Variants in AGBL5 observed in about 807,000 individuals in gnomAD.
AGBL5 encodes the protein AGBL carboxypeptidase 5, also known as cytosolic carboxypeptidase-like protein 5.
AGBL5 carries 51 observed loss-of-function variants against 88.0 expected under a neutral mutation model. The observed-to-expected ratio is 0.58, with a 90% confidence interval of 0.46 to 0.73. The LOEUF is 0.73. Ranked by LOEUF, AGBL5 falls within the 30% of genes least tolerant of loss-of-function variation. AGBL5 has a pLI of 0.00. For missense variants in AGBL5, 1,031 were observed against 1,162.2 expected (o/e 0.89, Z 1.64); for synonymous variants, 446 against 438.8 (o/e 1.02, Z -0.21).
chr2:27,068,620 T>C lies in AGBL5; in HGVS notation c.2243-12T>C. ...GTGACCCCTACCCTGATCAGTTTCC[T>C]CTGTTCCCTAGGGAGCAGTTGCTCA... On this transcript the variant is annotated splice_polypyrimidine_tract_variant and intron_variant, in intron 12 of 14. Transcript: ENST00000360131. The C allele has an allele frequency of 6.2e-7, 1 of 1,613,356 alleles. No homozygotes were observed. Among genetic ancestry groups the C allele is most frequent in the Non-Finnish European group, 8.5e-7 (1 of 1,179,516 alleles).
chr2:27,051,155 C>A (rs1180817137), upstream of AGBL5: 1 of 152,248 alleles, frequency 6.6e-6, no homozygotes. Context: ...GGTTGATCCA[C>A]TGGTCAGTGA....
chr2:27,051,667 C>G (rs531629424), upstream of AGBL5: 5 of 152,400 alleles, frequency 3.3e-5, no homozygotes, highest in East Asian at 9.6e-4. Flanking sequence ...TGTTTCCTGG[C>G]AGAGCGGGGT....
chr2:27,057,509 C>T, intron 9 of AGBL5, 71 bp downstream of exon 9: 2 of 1,502,796 alleles, frequency 1.3e-6, no homozygotes, highest in African/African-American at 1.4e-5. Flanking sequence ...CTCTTAGTGC[C>T]TGACTCTAAG....
At chr2:27,056,519 G>GT (rs1668438871) in intron 7 of AGBL5, 104 bp from the exon 8 acceptor site, 1 of 984,074 alleles carries the variant, frequency 1.0e-6, no homozygotes, top group African/African-American at 1.6e-5. Context: ...GGTTGTGATG[G>GT]TATCTGCTGT....
chr2:27,059,672 A>G, intron 11 of AGBL5: 1 of 678,512 alleles, frequency 1.5e-6, no homozygotes, highest in Non-Finnish European at 2.4e-6. Flanking sequence ...AGGATGAAAC[A>G]CTAGCTGAAG....
chr2:27,057,539 A>T, intron 9 of AGBL5, 101 bp downstream of exon 9: 1 of 1,340,442 alleles, frequency 7.5e-7, no homozygotes, highest in Middle Eastern at 2.0e-4. Context: ...AGAGATATTC[A>T]TCACTATGGC....
In AGBL5 at chr2:27,070,511, GGGGA is replaced by G. The variant is rs1228731424; in HGVS notation, c.*254_*257del. ...AAAAAAGTCTATATTTTTATATTGGGGGGAGGGAGTAGAAAAGCAAGCCCCTATA... is the reference window on the plus strand; with the variant it reads ...AAAAAAGTCTATATTTTTATATTGGGGGGAGTAGAAAAGCAAGCCCCTATA... On this transcript the variant is annotated 3_prime_UTR_variant, in exon 15 of 15. Coordinates refer to ENST00000360131, the MANE Select transcript of AGBL5 (RefSeq NM_021831.6). 1 of 483,366 alleles carries G rather than the reference GGGGA, an allele frequency of 2.1e-6. No homozygotes were observed. Among genetic ancestry groups the G allele is most frequent in the Non-Finnish European group, 3.7e-6 (1 of 269,544 alleles). 29.9% of individuals were successfully genotyped at this position (483,366 alleles called of 1,614,324 possible).
intron 4 of AGBL5, 72 bp from the exon 5 acceptor site, chr2:27,054,558 G>A (rs769206515): frequency 5.8e-4 from 849 of 1,453,560 alleles, no homozygotes; most frequent in Admixed American, 5.9e-4. Flanking sequence ...ACAGATCCTG[G>A]GCTGGTGACA....
chr2:27,054,427 A>G (rs184157138), intron 4 of AGBL5, among the ~76,000 whole-genome samples: 164 of 152,248 alleles, frequency 1.1e-3, no homozygotes, highest in Non-Finnish European at 1.9e-4. Flanking sequence ...CTGGGGAACA[A>G]CAAGTTCACC....
At chr2:27,059,610 G>T (rs2148286876) in intron 11 of AGBL5, 1 of 1,236,260 alleles carries the variant, frequency 8.1e-7, no homozygotes, top group Non-Finnish European at 1.1e-6. Context: ...GCCAGAGGGG[G>T]AAGTCTGGGT....
intron 7 of AGBL5, 162 bp downstream of exon 7, chr2:27,056,300 CAG>C (rs972671862): frequency 2.3e-5 from 16 of 696,720 alleles, no homozygotes; most frequent in African/African-American, 9.0e-5. Context: ...AGAGATGGCA[CAG>C]GGGGATAATG....
Position 27,058,478 on chromosome 2 carries a change from A to G in AGBL5, c.1750A>G (p.Ser584Gly). The stretch of plus-strand genomic sequence containing the variant: ...GCCCCGAATTGTACTGTCAGAGCAC[A>G]GCAGCCTTACTAATCTACGGGCCTG... The part of the protein sequence containing the change: ...PWPRIVLSEH[S>G]SLTNLRAWML... The change falls in exon 10 of 15, where the codon AGC becomes GGC. Residue 584 changes from serine (S) to glycine (G), a missense_variant. Coordinates refer to ENST00000360131, the MANE Select transcript of AGBL5 (RefSeq NM_021831.6). The G allele has an allele frequency of 6.2e-7, 1 of 1,614,182 alleles. No individual in the cohort carries two copies. The highest frequency in any genetic ancestry group is 8.5e-7 in the Non-Finnish European group (1 of 1,180,044).
intron 5 of AGBL5, 39 bp downstream of exon 5, chr2:27,054,846 C>T (rs756471161): frequency 1.9e-6 from 3 of 1,593,890 alleles, no homozygotes; most frequent in Non-Finnish European, 1.7e-6. Flanking sequence ...TTTGGCTTTT[C>T]TCTAGCACCA....
rs1572818404 is a variant in AGBL5, at chr2:27,056,708, T to C, written c.1451T>C (p.Met484Thr). 6.2e-7 allele frequency: 1 copy of C among 1,613,868 alleles called. No individual in the cohort carries two copies. The change falls in exon 8 of 15, where the codon ATG becomes ACG. Residue 484 changes from methionine (M) to threonine (T), a missense_variant. This residue lies in a region of AGBL5 where 540 missense variants were observed against 678.2 expected (regional missense o/e 0.80). Coordinates refer to ENST00000360131, the MANE Select transcript of AGBL5 (RefSeq NM_021831.6). Reference protein sequence around the residue: ...FQGCNFSEKNMYARDRRDGQS... With the variant: ...FQGCNFSEKNTYARDRRDGQS... ...GGCTGCAATTTCTCAGAGAAGAATATGTATGCCCGAGACCGTAGAGATGGC... is the reference window on the plus strand; with the variant it reads ...GGCTGCAATTTCTCAGAGAAGAATACGTATGCCCGAGACCGTAGAGATGGC...
At chr2:27,061,216 A>G (rs1353957873) in intron 11 of AGBL5, 2 of 144,748 alleles carry the variant, frequency 1.4e-5, no homozygotes, top group East Asian at 4.0e-4. Flanking sequence ...GGTGCATGCC[A>G]CCACATCCAG....
intron 11 of AGBL5, among the ~76,000 whole-genome samples, chr2:27,064,474 CTTTT>C (rs988659347): frequency 6.6e-6 from 1 of 151,162 alleles, no homozygotes; most frequent in Non-Finnish European, 1.5e-5. Context: ...TTTTGTATTT[CTTTT>C]TTTAGTAGAG....
At chr2:27,051,892 A>G (rs1668167860) in intron 1 of AGBL5, 99 bp downstream of exon 1, 1 of 149,504 alleles carries the variant, frequency 6.7e-6, no homozygotes, top group Admixed American at 6.7e-5. Context: ...AGCCCCTCGA[A>G]GGCCACCCCG....
Position 27,058,619 on chromosome 2 carries a change from A to AG in AGBL5, c.1874+19dup. 1 of 1,613,006 alleles carries AG rather than the reference A, an allele frequency of 6.2e-7. No individual in the cohort carries two copies. Among genetic ancestry groups the AG allele is most frequent in the South Asian group, 1.1e-5 (1 of 91,006 alleles). ...AAGTCACAAGTAAGGCCAGCAAAAT[A>AG]GGAGGGAGAAAGGGTAGGACAGTGG... On this transcript the variant is annotated intron_variant, in intron 10 of 14. Coordinates refer to ENST00000360131, the MANE Select transcript of AGBL5 (RefSeq NM_021831.6).
At chr2:27,056,317 A>C (rs1482728030) in intron 7 of AGBL5, 179 bp downstream of exon 7, 3 of 656,388 alleles carry the variant, frequency 4.6e-6, no homozygotes, top group Non-Finnish European at 7.7e-6. Context: ...ATAATGTCTC[A>C]ATTGTTACAT....
Sources: gnomAD v4.1 joint callset for allele counts (sites outside exome capture counted in the v4.1 genomes callset) on GRCh38, gnomAD v4.1.1 for gene constraint, gnomAD v4.1.1 regional missense constraint, MANE v1.5 for transcripts, NCBI Gene and HGNC (gene_info 2026-07-23, HGNC 2026-07-21) for gene names.